TRAF3: variants seen among roughly 807,000 people sequenced by gnomAD.
TRAF3 encodes TNF receptor-associated factor 3.
TRAF3 carries 13 observed loss-of-function variants against 62.3 expected under a neutral mutation model. The observed-to-expected ratio is 0.21, with a 90% CI of 0.14 to 0.33. The LOEUF is 0.33. TRAF3 is among the 10% of genes least tolerant of loss of function. TRAF3 has a pLI of 1.00. For synonymous variants in TRAF3, 269 were observed against 283.4 expected, an observed-to-expected ratio of 0.95 and a Z score of 0.51; for missense variants, 440 against 741.8, an observed-to-expected ratio of 0.59 and a Z score of 4.73.
chr14:102,793,785 A>G (rs1241320704), intron 1 of TRAF3, among the ~76,000 whole-genome samples: 1 of 152,256 alleles, frequency 6.6e-6, no homozygotes, highest in Non-Finnish European at 1.5e-5. Flanking sequence ...TGAAAAAGCC[A>G]CAGATTGTTC....
At chr14:102,791,583 TG>T (rs1174486315) in intron 1 of TRAF3, among the ~76,000 whole-genome samples, 1 of 152,230 alleles carries the variant, frequency 6.6e-6, no homozygotes, top group Non-Finnish European at 1.5e-5. Context: ...AGTTATTTTG[TG>T]GGTTCTGTGG....
intron 10 of TRAF3, among the ~76,000 whole-genome samples, chr14:102,898,699 C>T (rs1407376370): frequency 2.0e-5 from 3 of 152,222 alleles, no homozygotes. Flanking sequence ...AGTGATGTAC[C>T]AACGCCCCAT....
At chr14:102,877,336 C>T (rs964601265) in intron 6 of TRAF3, among the ~76,000 whole-genome samples, 4 of 144,204 alleles carry the variant, frequency 2.8e-5, no homozygotes, top group African/African-American at 1.1e-4. Flanking sequence ...GTTCCACAGG[C>T]CTTCTGCTCA....
At chr14:102,833,110 C>CT (rs1163314410) in intron 2 of TRAF3, among the ~76,000 whole-genome samples, 5 of 152,220 alleles carry the variant, frequency 3.3e-5, no homozygotes, top group African/African-American at 1.2e-4. Context: ...CCTGCACAGA[C>CT]ACACACACTC....
At chr14:102,819,227 G>T (rs1217146500) in intron 1 of TRAF3, among the ~76,000 whole-genome samples, 1 of 151,934 alleles carries the variant, frequency 6.6e-6, no homozygotes, top group African/African-American at 2.4e-5. Context: ...GCCTGTGGCT[G>T]TCCCTGTTCC....
intron 2 of TRAF3, among the ~76,000 whole-genome samples, chr14:102,841,440 C>T (rs1276795097): frequency 6.6e-6 from 1 of 152,198 alleles, no homozygotes; most frequent in African/African-American, 2.4e-5. Flanking sequence ...AGGGTGGTCT[C>T]AGGTAGATCC....
Position 102,903,844 on chromosome 14 carries a change from T to G in TRAF3, c.1135+415T>G. On this transcript the variant is annotated intron_variant, in intron 11 of 11. Transcript: ENST00000392745. This position sits in a 1 kb window ranked among gnomAD's most constrained non-coding sequence, Gnocchi z 6.4. ...GTCCCACCGCGCTCTGCCAGCATGT[T>G]TCTGATCCACAAGCAGATGTGGGCC... 1 of 458,596 alleles carries G rather than the reference T, an allele frequency of 2.2e-6. No homozygotes were observed. Among genetic ancestry groups the G allele is most frequent in the East Asian group, 6.8e-5 (1 of 14,690 alleles). 28.4% of individuals were successfully genotyped at this position (458,596 alleles called of 1,614,324 possible).
chr14:102,781,259 CCATGCTGCTGGT>C lies in TRAF3; in HGVS notation c.-157+3588_-157+3599del, dbSNP rs1347691768. Among the ~76,000 whole-genome samples, 9 of 152,308 alleles carry C rather than the reference CCATGCTGCTGGT, an allele frequency of 5.9e-5. No homozygotes were observed. In the East Asian group the frequency reaches 1.4e-3, roughly 23 times the overall value. On this transcript the variant is annotated intron_variant, in intron 1 of 11. Coordinates refer to ENST00000392745, the MANE Select transcript of TRAF3 (RefSeq NM_145725.3). ...TCCTTGCCAGTAGATGCAGTGCTGG[CCATGCTGCTGGT>C]CATTGGGTTTCCAGTTGGGAAGTTG...
chr14:102,860,754 A>G (rs1464149691), intron 2 of TRAF3, among the ~76,000 whole-genome samples: 1 of 152,244 alleles, frequency 6.6e-6, no homozygotes, highest in African/African-American at 2.4e-5. Flanking sequence ...CTTAACTGCT[A>G]AGCTACAGCA....
chr14:102,876,774 A>G (rs541133193), intron 6 of TRAF3: 2 of 515,640 alleles, frequency 3.9e-6, no homozygotes, highest in African/African-American at 3.9e-5. Flanking sequence ...CCTTCCGCTC[A>G]GCTCACAGAT....
intron 8 of TRAF3, among the ~76,000 whole-genome samples, chr14:102,889,925 G>A (rs1889615158): frequency 6.6e-6 from 1 of 152,234 alleles, no homozygotes; most frequent in Non-Finnish European, 1.5e-5. Context: ...TTGACATTTG[G>A]TGGGGTTTTC....
chr14:102,835,742 A>G (rs1424485481), intron 2 of TRAF3, among the ~76,000 whole-genome samples: 1 of 152,186 alleles, frequency 6.6e-6, no homozygotes, highest in East Asian at 1.9e-4. Context: ...AACCGACAGT[A>G]GGGCCTACTT....
At chr14:102,840,259 A>T (rs545525172) in intron 2 of TRAF3, among the ~76,000 whole-genome samples, 2 of 152,170 alleles carry the variant, frequency 1.3e-5, no homozygotes, top group Admixed American at 6.6e-5. Context: ...GTCTTGCTCT[A>T]TTGCCCAGGC....
chr14:102,846,881 G>A (rs1886758647), intron 2 of TRAF3, among the ~76,000 whole-genome samples: 1 of 152,104 alleles, frequency 6.6e-6, no homozygotes, highest in Non-Finnish European at 1.5e-5. Flanking sequence ...GAAGGGTTTT[G>A]GGGTCAGATA....
intron 1 of TRAF3, among the ~76,000 whole-genome samples, chr14:102,800,457 T>G (rs554973481): frequency 1.3e-5 from 2 of 152,296 alleles, no homozygotes; most frequent in South Asian, 4.2e-4. Context: ...CTTGACCAAG[T>G]TATTTGGCCT....
rs868847314 is a variant in TRAF3, at chr14:102,803,576, A to T, written c.-157+25901A>T. Among the ~76,000 whole-genome samples, 817 of 144,812 alleles carry T rather than the reference A, an allele frequency of 5.6e-3. 6 individuals carry two copies. The highest frequency in any genetic ancestry group is 0.01 in the Admixed American group (151 of 14,398). On this transcript the variant is annotated intron_variant, in intron 1 of 11. Transcript: ENST00000392745. Reference sequence around the variant, plus strand: ...GGAGGTTAAGTTGGCCAGAAGTATAATTTTTTTTTTTTTTTTAAGAGACAG... The same window carrying T: ...GGAGGTTAAGTTGGCCAGAAGTATATTTTTTTTTTTTTTTTTAAGAGACAG...
rs118014080 is a variant in TRAF3 at position 102,786,030 on chromosome 14, G to A, written c.-157+8355G>A. On this transcript the variant is annotated intron_variant, in intron 1 of 11. Coordinates refer to ENST00000392745, the MANE Select transcript of TRAF3 (RefSeq NM_145725.3). Reference sequence around the variant, plus strand: ...GAGACGACAAGCTTCTCAAGGGTTGGCTCACTTCATTCTTTCTATTTCTGC... The same window carrying A: ...GAGACGACAAGCTTCTCAAGGGTTGACTCACTTCATTCTTTCTATTTCTGC... 5.0e-3 allele frequency among the ~76,000 whole-genome samples: 761 copies of A among 152,302 alleles called. 4 individuals carry two copies. The highest frequency in any genetic ancestry group is 8.0e-3 in the Non-Finnish European group (545 of 68,030).
intron 9 of TRAF3, among the ~76,000 whole-genome samples, chr14:102,896,114 T>C (rs1188048670): frequency 6.6e-6 from 1 of 152,210 alleles, no homozygotes; most frequent in Non-Finnish European, 1.5e-5. Context: ...CACACACACA[T>C]TGCGGAATAA....
intron 2 of TRAF3, among the ~76,000 whole-genome samples, chr14:102,840,025 C>T (rs1458772717): frequency 6.6e-6 from 1 of 152,118 alleles, no homozygotes; most frequent in Non-Finnish European, 1.5e-5. Flanking sequence ...TTCCCGGAGA[C>T]TTCCATTTCC....
Sources: gnomAD v4.1 joint callset for allele counts (sites outside exome capture counted in the v4.1 genomes callset) on GRCh38, gnomAD v4.1.1 for gene constraint, Gnocchi (gnomAD v3.1) non-coding constraint, MANE v1.5 for transcripts, NCBI Gene and HGNC (gene_info 2026-07-23, HGNC 2026-07-21) for gene names.